Variants in LHFPL3 observed in about 807,000 individuals in gnomAD.
The protein encoded by LHFPL3 is LHFPL tetraspan subfamily member 3, also known as LHFPL tetraspan subfamily member 3 protein.
A neutral mutation model predicts 19.3 loss-of-function variants in LHFPL3; 5 were observed. That is an observed-to-expected ratio of 0.26 (90% CI 0.14 to 0.54). The LOEUF is 0.54. Among genes scored for constraint, LHFPL3 ranks in the 20% least tolerant of loss-of-function variants. LHFPL3 has a pLI of 0.94. For missense variants in LHFPL3, 249 were observed against 307.4 expected, an observed-to-expected ratio of 0.81 and a Z score of 1.42; for synonymous variants, 133 against 126.2, an observed-to-expected ratio of 1.05 and a Z score of -0.36.
chr7:104,392,978 A>G (rs10273956), intron 1 of LHFPL3, among the ~76,000 whole-genome samples: 5,443 of 152,160 alleles, frequency 0.036, 335 homozygotes, highest in African/African-American at 0.12. Flanking sequence ...TTTGCGTAGA[A>G]GTAACAACCC....
chr7:104,512,065 A>T (rs542137045), intron 1 of LHFPL3, among the ~76,000 whole-genome samples: 1 of 146,770 alleles, frequency 6.8e-6, no homozygotes, highest in East Asian at 2.0e-4. Flanking sequence ...AGCGATTCTC[A>T]TACCTCAGCC....
At chr7:104,786,516 A>C (rs1354496442) in intron 2 of LHFPL3, 1 of 152,156 alleles carries the variant, frequency 6.6e-6, no homozygotes, top group Non-Finnish European at 1.5e-5. Context: ...TCTGCTACTT[A>C]CCCATGCATT....
At chr7:104,806,045 G>A (rs147766504) in intron 2 of LHFPL3, among the ~76,000 whole-genome samples, 16 of 152,300 alleles carry the variant, frequency 1.1e-4, no homozygotes, top group East Asian at 7.7e-4. Flanking sequence ...GCTGCAGGCC[G>A]TGTTTTAGTG....
At chr7:104,664,066 A>C (rs117483750) in intron 1 of LHFPL3, among the ~76,000 whole-genome samples, 1 of 152,302 alleles carries the variant, frequency 6.6e-6, no homozygotes, top group East Asian at 1.9e-4. Flanking sequence ...CTTTTAGAAA[A>C]CTGATCATGA....
intron 1 of LHFPL3, among the ~76,000 whole-genome samples, chr7:104,540,637 T>C (rs559051720): frequency 6.6e-6 from 1 of 152,326 alleles, no homozygotes; most frequent in East Asian, 1.9e-4. Context: ...AAATGAGCAT[T>C]TATTGACAAC....
rs1317989922 is a variant in LHFPL3, at chr7:104,332,670, C to T, written c.445+3446C>T. The stretch of plus-strand genomic sequence containing the variant: ...TTTATTGGACCTGAAAATGATGTTG[C>T]TCGTTCATCTAGGTGTGTGAAGCAC... On this transcript the variant is annotated intron_variant, in intron 1 of 2. Transcript: ENST00000424859. 2.0e-5 allele frequency among the ~76,000 whole-genome samples: 3 copies of T among 152,088 alleles called. No individual in the cohort carries two copies. In the East Asian group the frequency reaches 5.8e-4, roughly 29 times the overall value.
At chr7:104,639,718 TGAAAG>T (rs1390435935) in intron 1 of LHFPL3, among the ~76,000 whole-genome samples, 1 of 152,206 alleles carries the variant, frequency 6.6e-6, no homozygotes, top group Admixed American at 6.5e-5. Flanking sequence ...GTTTGGCTCT[TGAAAG>T]GAAACCAACA....
Position 104,773,101 on chromosome 7 carries a change from T to G in LHFPL3, c.682+36190T>G, listed in dbSNP as rs1584526516. Among the ~76,000 whole-genome samples, 3 of 152,204 alleles carry G rather than the reference T, an allele frequency of 2.0e-5. No homozygotes were observed. The South Asian group carries it at 6.2e-4, about 32-fold the overall frequency. ...GGGATCACAGCTGCTTGAATGTAAA[T>G]GCAGTGGCCCAGCCTCGTTGTCATC... On this transcript the variant is annotated intron_variant, in intron 2 of 2. Coordinates refer to ENST00000424859, the MANE Select transcript of LHFPL3 (RefSeq NM_199000.3).
At chr7:104,438,373 T>C (rs1792152831) in intron 1 of LHFPL3, among the ~76,000 whole-genome samples, 1 of 152,262 alleles carries the variant, frequency 6.6e-6, no homozygotes, top group African/African-American at 2.4e-5. Flanking sequence ...TGGTTACACT[T>C]GCACAGGTTT....
chr7:104,609,013 T>A (rs953089327), intron 1 of LHFPL3, among the ~76,000 whole-genome samples: 1 of 152,172 alleles, frequency 6.6e-6, no homozygotes, highest in Non-Finnish European at 1.5e-5. Context: ...ACGCCTGTAA[T>A]CCCAGCACTT....
chr7:104,565,504 A>G (rs1790101266), intron 1 of LHFPL3, among the ~76,000 whole-genome samples: 1 of 152,232 alleles, frequency 6.6e-6, no homozygotes. Flanking sequence ...AATTGTGTTA[A>G]GAGAGAAGAG....
At chr7:104,396,977 A>G (rs1791203409) in intron 1 of LHFPL3, among the ~76,000 whole-genome samples, 1 of 152,196 alleles carries the variant, frequency 6.6e-6, no homozygotes, top group Non-Finnish European at 1.5e-5. Flanking sequence ...TCTTAAAAAA[A>G]AGAAAAGCTC....
chr7:104,519,973 C>A (rs1351114848), intron 1 of LHFPL3, among the ~76,000 whole-genome samples: 1 of 152,020 alleles, frequency 6.6e-6, no homozygotes, highest in African/African-American at 2.4e-5. Flanking sequence ...AAGTTATCAA[C>A]ACACCGAGAA....
chr7:104,458,429 T>A (rs1233764870), intron 1 of LHFPL3, among the ~76,000 whole-genome samples: 1 of 152,200 alleles, frequency 6.6e-6, no homozygotes, highest in Non-Finnish European at 1.5e-5. Context: ...TAGTTGTAGA[T>A]ATGCGGTGTT....
In LHFPL3 at chr7:104,399,392, G is replaced by A. The variant is rs886741859; in HGVS notation, c.445+70168G>A. Among the ~76,000 whole-genome samples the A allele has an allele frequency of 6.6e-6, 1 of 151,844 alleles. No homozygotes were observed. Among genetic ancestry groups the A allele is most frequent in the Non-Finnish European group, 1.5e-5 (1 of 67,958 alleles). On this transcript the variant is annotated intron_variant, in intron 1 of 2. Coordinates refer to ENST00000424859, the MANE Select transcript of LHFPL3 (RefSeq NM_199000.3). The surrounding 1 kb of genome is among the most constrained non-coding windows in gnomAD (Gnocchi z 4.4). ...TTCCCATTTATCCTGTAACTGGATG[G>A]GATCAGAGTAAATTACCTGGAAATG...
chr7:104,458,485 T>C (rs1792591039), intron 1 of LHFPL3, among the ~76,000 whole-genome samples: 1 of 152,212 alleles, frequency 6.6e-6, no homozygotes, highest in Non-Finnish European at 1.5e-5. Context: ...ACCTCTGTTT[T>C]GGTACCAGTA....
At chr7:104,904,749 G>A (rs183026398) in intron 2 of LHFPL3, among the ~76,000 whole-genome samples, 2 of 152,174 alleles carry the variant, frequency 1.3e-5, no homozygotes, top group East Asian at 1.9e-4. Flanking sequence ...ATGGCACACC[G>A]TGACCAGCTA....
Position 104,720,231 on chromosome 7 carries a change from A to G in LHFPL3, c.446-16444A>G, listed in dbSNP as rs192455011. On this transcript the variant is annotated intron_variant, in intron 1 of 2. Coordinates refer to ENST00000424859, the MANE Select transcript of LHFPL3 (RefSeq NM_199000.3). ...GAACAGAACAGAGGCTTCAGAAATAACACCACACATCTACAACCATCTGAT... is the reference window on the plus strand; with the variant it reads ...GAACAGAACAGAGGCTTCAGAAATAGCACCACACATCTACAACCATCTGAT... 3.2e-3 allele frequency among the ~76,000 whole-genome samples: 494 copies of G among 152,316 alleles called. 5 individuals are homozygous for G. Among genetic ancestry groups the G allele is most frequent in the African/African-American group, 0.011 (478 of 41,574 alleles).
chr7:104,553,879 G>T (rs1299256615), intron 1 of LHFPL3, among the ~76,000 whole-genome samples: 1 of 152,120 alleles, frequency 6.6e-6, no homozygotes, highest in East Asian at 1.9e-4. Context: ...TAGACTAGAG[G>T]CTCAGGTGTT....
Sources: allele counts gnomAD v4.1 joint callset (sites outside exome capture counted in the v4.1 genomes callset), GRCh38; gene constraint gnomAD v4.1.1; non-coding constraint Gnocchi (gnomAD v3.1); transcripts MANE v1.5; gene names NCBI Gene and HGNC (gene_info 2026-07-23, HGNC 2026-07-21).